Variants in CCDC171 observed in about 807,000 individuals in gnomAD.
CCDC171 encodes coiled-coil domain-containing protein 171.
A neutral mutation model predicts 168.2 loss-of-function variants in CCDC171; 177 were observed. That is an observed-to-expected ratio of 1.05 (90% CI 0.93 to 1.19). CCDC171 has a LOEUF of 1.19. Ranked by LOEUF, CCDC171 falls within the 50% of genes most tolerant of loss-of-function variation. CCDC171 has a pLI of 0.00. For synonymous variants in CCDC171, 687 were observed against 540.8 expected (o/e 1.27, Z -3.75); for missense variants, 1,991 against 1,539.0 (o/e 1.29, Z -4.91).
chr9:15,779,083 A>G lies in CCDC171; in HGVS notation c.3014A>G (p.Asn1005Ser). Residue 1005 changes from asparagine to serine, a missense_variant, in exon 20 of 26, where the codon AAT becomes AGT. Asn to Ser is a conservative substitution (Grantham distance 46). Transcript: ENST00000380701. ...GTCACAGAATTCAAACGAAGTGTGA[A>G]TGAAATGAAAAAGGAGCTTGACAAA... ...LEVTEFKRSV[N>S]EMKKELDKAQ... The G allele has an allele frequency of 6.2e-7, 1 of 1,604,376 alleles. No individual in the cohort carries two copies. Among genetic ancestry groups the G allele is most frequent in the Non-Finnish European group, 8.5e-7 (1 of 1,175,796 alleles).
chr9:15,680,138 A>T (rs1048882682), intron 10 of CCDC171, among the ~76,000 whole-genome samples: 1 of 152,206 alleles, frequency 6.6e-6, no homozygotes, highest in African/African-American at 2.4e-5. Context: ...CCAAGAGGAT[A>T]TGAATGCATT....
rs112966457 is a variant in CCDC171 at position 16,019,962 on chromosome 9, G to A, written n.369-627G>A. 5.9e-5 allele frequency among the ~76,000 whole-genome samples: 9 copies of A among 152,272 alleles called. No individual in the cohort carries two copies. In the South Asian group the frequency reaches 6.2e-4, roughly 11 times the overall value. On this transcript the variant is annotated intron_variant and non_coding_transcript_variant, in intron 3 of 9. Coordinates refer to the CCDC171 transcript ENST00000486641. ...AGAGGCTTGTCAAGAGATGTTTGGG[G>A]AAAGAAACAGAAAATATAATAGTTC...
chr9:15,654,012 G>A (rs1466500816), intron 7 of CCDC171, among the ~76,000 whole-genome samples: 1 of 152,102 alleles, frequency 6.6e-6, no homozygotes, highest in Non-Finnish European at 1.5e-5. Flanking sequence ...GGTTTTCAGA[G>A]TGTTTTGAGT....
chr9:15,790,247 T>C (rs1276827434), intron 21 of CCDC171, among the ~76,000 whole-genome samples: 1 of 152,194 alleles, frequency 6.6e-6, no homozygotes, highest in African/African-American at 2.4e-5. Flanking sequence ...TTCTCCACAT[T>C]GTCTTCAGCA....
chr9:15,939,633 G>T (rs1827497459), intron 25 of CCDC171, among the ~76,000 whole-genome samples: 1 of 151,856 alleles, frequency 6.6e-6, no homozygotes, highest in South Asian at 2.1e-4. Context: ...CTCAGGCTGG[G>T]AGTGGGAGAA....
chr9:15,889,774 C>T (rs907052036), intron 24 of CCDC171, among the ~76,000 whole-genome samples: 1 of 152,184 alleles, frequency 6.6e-6, no homozygotes, highest in African/African-American at 2.4e-5. Flanking sequence ...TGTGTTCTCA[C>T]TGGTAAAGGA....
chr9:15,656,928 T>C lies in CCDC171; in HGVS notation c.823-199T>C, dbSNP rs148278022. 7.9e-3 allele frequency among the ~76,000 whole-genome samples: 1,203 copies of C among 151,856 alleles called. 9 individuals are homozygous for C. Among genetic ancestry groups the C allele is most frequent in the Non-Finnish European group, 0.011 (768 of 67,956 alleles). On this transcript the variant is annotated intron_variant, in intron 7 of 25. Coordinates refer to ENST00000380701, the MANE Select transcript of CCDC171 (RefSeq NM_173550.4). ...TTATTATATGTAAGTTATACCTCTA[T>C]AAAGTGTAAAGAAAAAAAAGCAGGC...
At chr9:15,789,382 A>G (rs2058130655) in intron 21 of CCDC171, among the ~76,000 whole-genome samples, 1 of 152,218 alleles carries the variant, frequency 6.6e-6, no homozygotes, top group South Asian at 2.1e-4. Flanking sequence ...TAGGAGATTA[A>G]GCTTTGGGTT....
chr9:15,574,147 C>CT (rs1318084639), intron 3 of CCDC171, among the ~76,000 whole-genome samples: 4,230 of 144,962 alleles, frequency 0.029, 191 homozygotes, highest in African/African-American at 0.1. Context: ...TTCTCTTTTT[C>CT]TTTTTTTTTT....
intron 11 of CCDC171, among the ~76,000 whole-genome samples, chr9:15,719,265 A>G (rs992554798): frequency 1.3e-5 from 2 of 151,944 alleles, no homozygotes; most frequent in Non-Finnish European, 2.9e-5. Flanking sequence ...GAAGACAGGT[A>G]TTCGAAAATA....
At position 15,560,812 on chromosome 9, in the gene CCDC171, C is replaced by G. The variant is rs141425710; in HGVS notation, c.-111-3166C>G. ...GTTCTTTTGGAGGGGGAGAGGCGCT[C>G]TGATTTTTAGAATTTTCAGCTTTTC... On this transcript the variant is annotated intron_variant, in intron 1 of 25. Coordinates refer to ENST00000380701, the MANE Select transcript of CCDC171 (RefSeq NM_173550.4). 4.4e-4 allele frequency among the ~76,000 whole-genome samples: 66 copies of G among 151,470 alleles called. No individual in the cohort carries two copies. In the Middle Eastern group the frequency reaches 0.01, roughly 23 times the overall value.
chr9:15,554,377 G>A (rs1201433483), intron 1 of CCDC171, among the ~76,000 whole-genome samples: 2 of 152,192 alleles, frequency 1.3e-5, no homozygotes, highest in African/African-American at 4.8e-5. Flanking sequence ...TGGTAGAGCA[G>A]AAGATGAACA....
chr9:15,704,815 C>G (rs890072504), intron 11 of CCDC171, among the ~76,000 whole-genome samples: 1 of 152,086 alleles, frequency 6.6e-6, no homozygotes, highest in East Asian at 1.9e-4. Context: ...ACTTGATCTC[C>G]TCACCTGTGA....
intron 21 of CCDC171, among the ~76,000 whole-genome samples, chr9:15,825,971 C>T (rs2059994428): frequency 6.7e-6 from 1 of 149,108 alleles, no homozygotes; most frequent in South Asian, 2.1e-4. Flanking sequence ...TTGTTTTTCT[C>T]TTTTCTCTTT....
chr9:15,787,320 T>A (rs1012295857), intron 21 of CCDC171, among the ~76,000 whole-genome samples: 8 of 152,126 alleles, frequency 5.3e-5, no homozygotes, highest in Non-Finnish European at 1.2e-4. Context: ...TCACCAAAAT[T>A]TATTCTTTCT....
chr9:15,625,606 TG>T (rs2045007061), intron 7 of CCDC171, among the ~76,000 whole-genome samples: 1 of 152,210 alleles, frequency 6.6e-6, no homozygotes, highest in African/African-American at 2.4e-5. Context: ...TTGTCAGGTT[TG>T]TCAAAGATCA....
At chr9:16,047,810 C>T (rs77301564) in intron 1 of CCDC171, among the ~76,000 whole-genome samples, 1 of 152,208 alleles carries the variant, frequency 6.6e-6, no homozygotes, top group Non-Finnish European at 1.5e-5. Context: ...TTTAAGAGTG[C>T]CTGGCCCATA....
intron 21 of CCDC171, among the ~76,000 whole-genome samples, chr9:15,835,619 G>T (rs912104057): frequency 7.2e-5 from 11 of 152,214 alleles, no homozygotes; most frequent in African/African-American, 7.2e-5. Context: ...TAGAGACAGG[G>T]TTTCACCATG....
chr9:15,565,617 A>G (rs773557381), intron 2 of CCDC171, among the ~76,000 whole-genome samples: 5 of 152,250 alleles, frequency 3.3e-5, no homozygotes, highest in African/African-American at 4.8e-5. Flanking sequence ...ATGGAATCAC[A>G]TAATAGATGG....
Sources: gnomAD v4.1 joint callset for allele counts (sites outside exome capture counted in the v4.1 genomes callset) on GRCh38, gnomAD v4.1.1 for gene constraint, MANE v1.5 for transcripts, NCBI Gene and HGNC (gene_info 2026-07-23, HGNC 2026-07-21) for gene names.